CRB1: variants seen among roughly 807,000 people sequenced by gnomAD.
CRB1 encodes the protein crumbs cell polarity complex component 1.
A neutral mutation model predicts 120.0 loss-of-function variants in CRB1; 83 were observed. The observed-to-expected ratio is 0.69, with a 90% confidence interval of 0.58 to 0.83. CRB1 has a LOEUF of 0.83. Among genes scored for constraint, CRB1 ranks in the 40% least tolerant of loss-of-function variants. The probability of loss-of-function intolerance (pLI) is 0.00; values close to 1 mark genes in which losing one functional copy is unlikely to be tolerated. For missense variants in CRB1, 1,699 were observed against 1,687.6 expected, an observed-to-expected ratio of 1.01 and a Z score of -0.12; for synonymous variants, 625 against 612.5, an observed-to-expected ratio of 1.02 and a Z score of -0.30.
chr1:197,268,015 C>T (rs985563195), upstream of CRB1, among the ~76,000 whole-genome samples: 4 of 152,112 alleles, frequency 2.6e-5, no homozygotes, highest in Admixed American at 2.0e-4. Context: ...GTTGCCAGAT[C>T]ATAATTGTGT....
intron 4 of CRB1, among the ~76,000 whole-genome samples, chr1:197,352,559 C>A (rs891866541): frequency 2.6e-5 from 4 of 151,984 alleles, no homozygotes; most frequent in East Asian, 1.9e-4. Flanking sequence ...ATTTGAAGAA[C>A]CTTAAGTATG....
At chr1:197,350,445 C>T (rs890072739) in intron 4 of CRB1, among the ~76,000 whole-genome samples, 5 of 152,262 alleles carry the variant, frequency 3.3e-5, no homozygotes, top group South Asian at 2.1e-4. Context: ...TGTAGGAGGG[C>T]GAGAGTTTGT....
chr1:197,435,332 A>C lies in CRB1; in HGVS notation c.3469A>C (p.Ile1157Leu). 1 of 1,613,816 alleles carries C rather than the reference A, an allele frequency of 6.2e-7. No individual in the cohort carries two copies. The highest frequency in any genetic ancestry group is 8.5e-7 in the Non-Finnish European group (1 of 1,179,838). Residue 1157 changes from isoleucine to leucine, a missense_variant, in exon 9 of 12, where the codon ATC (isoleucine) becomes CTC (leucine). Coordinates refer to ENST00000367400, the MANE Select transcript of CRB1 (RefSeq NM_201253.3). Reference sequence around the variant, plus strand: ...TTTGCATGGAGGAAACTGTGAAGACATCTATAGCTCTTATCATTGCTCCTG... The same window carrying C: ...TTTGCATGGAGGAAACTGTGAAGACCTCTATAGCTCTTATCATTGCTCCTG... ...PCLHGGNCED[I>L]YSSYHCSCPL...
chr1:197,347,363 G>A lies in CRB1; in HGVS notation c.872G>A (p.Ser291Asn), dbSNP rs1374962600. 5 of 1,613,924 alleles carry A rather than the reference G, an allele frequency of 3.1e-6. No homozygotes were observed. The highest frequency in any genetic ancestry group is 1.1e-5 in the South Asian group (1 of 91,080). The change falls in exon 4 of 12, where the codon AGT (serine) becomes AAT (asparagine). Residue 291 changes from serine to asparagine, a missense_variant. Coordinates refer to ENST00000367400, the MANE Select transcript of CRB1 (RefSeq NM_201253.3). ...AGATATAGCTGTAACTGCACGGGTA[G>A]TGGATTCACAGGGACACACTGTGAG... is the stretch of plus-strand genomic sequence containing the variant. ...ENRYSCNCTG[S>N]GFTGTHCETL...
chr1:197,312,624 T>G (rs763814465), intron 1 of CRB1, among the ~76,000 whole-genome samples: 1 of 151,996 alleles, frequency 6.6e-6, no homozygotes, highest in African/African-American at 2.4e-5. Flanking sequence ...AAAAACAATC[T>G]GTTAAGATAG....
the CRB1 span, among the ~76,000 whole-genome samples, chr1:197,215,640 A>C: frequency 6.3e-3 from 959 of 152,238 alleles, 14 homozygotes; most frequent in African/African-American, 0.022. Context: ...ATGAGTTCTC[A>C]TGATATCTGA....
intron 1 of CRB1, among the ~76,000 whole-genome samples, chr1:197,294,794 A>T (rs1344309557): frequency 6.6e-6 from 1 of 152,130 alleles, no homozygotes; most frequent in Non-Finnish European, 1.5e-5. Context: ...TTCTCAGCAA[A>T]CTGTCGCAAG....
At chr1:197,226,491 A>C in the CRB1 span, among the ~76,000 whole-genome samples, 1 of 152,014 alleles carries the variant, frequency 6.6e-6, no homozygotes, top group Non-Finnish European at 1.5e-5. Flanking sequence ...CTTGTTTTAG[A>C]CTGTGTGTTT....
At chr1:197,303,130 TATTA>T (rs767735668) in intron 1 of CRB1, among the ~76,000 whole-genome samples, 16 of 148,586 alleles carry the variant, frequency 1.1e-4, no homozygotes, top group Middle Eastern at 3.2e-3. Context: ...TTTATTTATT[TATTA>T]TTTTATTATT....
upstream of CRB1, among the ~76,000 whole-genome samples, chr1:197,263,954 A>C (rs1440906132): frequency 2.0e-5 from 3 of 152,148 alleles, no homozygotes; most frequent in Non-Finnish European, 4.4e-5. Context: ...GTTTTATAAA[A>C]TAAATACATT....
chr1:197,208,471 C>A, the CRB1 span, among the ~76,000 whole-genome samples: 1 of 152,114 alleles, frequency 6.6e-6, no homozygotes, highest in African/African-American at 2.4e-5. Flanking sequence ...CAGAGCCAAA[C>A]TGCAATGATT....
Position 197,435,239 on chromosome 1 carries a change from C to A in CRB1, c.3376C>A (p.Leu1126Ile), listed in dbSNP as rs149390998. The A allele has an allele frequency of 1.2e-6, 2 of 1,613,748 alleles. No homozygotes were observed. Among genetic ancestry groups the A allele is most frequent in the Non-Finnish European group, 1.7e-6 (2 of 1,179,862 alleles). The change falls in exon 9 of 12, where the codon CTC becomes ATC. Residue 1126 changes from leucine (L) to isoleucine (I), a missense_variant. By Grantham distance (5) the Leu-to-Ile change is conservative. Transcript: ENST00000367400. ...TAATAAACCTCAGGAAGAGCAATTT[C>A]TCAAAATCTCTACCAATTCAGTGGT... ...FINKPQEEQF[L>I]KISTNSVVTG...
chr1:197,272,649 A>G (rs1347432012), intron 1 of CRB1, among the ~76,000 whole-genome samples: 2 of 152,156 alleles, frequency 1.3e-5, no homozygotes, highest in Non-Finnish European at 2.9e-5. Flanking sequence ...GCTTAAATAA[A>G]TATTGCTGTG....
At chr1:197,426,855 C>T (rs1238605103) in intron 6 of CRB1, among the ~76,000 whole-genome samples, 1 of 152,098 alleles carries the variant, frequency 6.6e-6, no homozygotes, top group Non-Finnish European at 1.5e-5. Context: ...TATTTACAGA[C>T]TAAAAACCTG....
chr1:197,363,681 C>T (rs1660904733), intron 5 of CRB1: 3 of 334,740 alleles, frequency 9.0e-6, no homozygotes, highest in African/African-American at 4.2e-5. Flanking sequence ...AGAACTTTCC[C>T]AACTCCCAAC....
chr1:197,290,023 G>T (rs544925339), intron 1 of CRB1, among the ~76,000 whole-genome samples: 1 of 151,646 alleles, frequency 6.6e-6, no homozygotes, highest in South Asian at 2.1e-4. Context: ...TATCTTAAGG[G>T]TTGGGGATCT....
intron 1 of CRB1, among the ~76,000 whole-genome samples, chr1:197,307,729 T>TATTA (rs1454606209): frequency 1.3e-5 from 2 of 152,208 alleles, no homozygotes; most frequent in African/African-American, 2.4e-5. Flanking sequence ...CTCATTAATG[T>TATTA]ATTAGTACTG....
the CRB1 span, among the ~76,000 whole-genome samples, chr1:197,235,342 CAG>C: frequency 1.3e-5 from 2 of 152,100 alleles, no homozygotes; most frequent in Non-Finnish European, 2.9e-5. Context: ...AGATAGCAGT[CAG>C]AGAGAGAACT....
At chr1:197,470,709 A>T (rs1420325772) in intron 11 of CRB1, among the ~76,000 whole-genome samples, 1 of 152,210 alleles carries the variant, frequency 6.6e-6, no homozygotes, top group Admixed American at 6.5e-5. Flanking sequence ...AGTAGGAGAG[A>T]GGTTGTGAAT....
Sources: gnomAD v4.1 joint callset for allele counts (sites outside exome capture counted in the v4.1 genomes callset) on GRCh38, gnomAD v4.1.1 for gene constraint, MANE v1.5 for transcripts, NCBI Gene and HGNC (gene_info 2026-07-23, HGNC 2026-07-21) for gene names.